Variants in RASA3 observed in about 807,000 individuals in gnomAD.
RASA3 encodes RAS p21 protein activator 3.
In RASA3, 73 loss-of-function variants were observed where a neutral mutation model predicts 110.0. The ratio of observed to expected loss-of-function variants is 0.66; its 90% confidence interval spans 0.55 to 0.81. RASA3 has a LOEUF of 0.81. Among genes scored for constraint, RASA3 ranks in the 30% least tolerant of loss-of-function variants. RASA3 has a pLI of 0.00. For synonymous variants in RASA3, 500 were observed against 451.4 expected (o/e 1.11, Z -1.37); for missense variants, 976 against 1,113.2 (o/e 0.88, Z 1.75).
At position 114,014,485 on chromosome 13, in the gene RASA3, C is replaced by T. The variant is rs147170119; in HGVS notation, c.1405+724G>A. On this transcript the variant is annotated intron_variant, in intron 14 of 23. Coordinates refer to ENST00000334062, the MANE Select transcript of RASA3 (RefSeq NM_007368.4). This position sits in a 1 kb window ranked among gnomAD's most constrained non-coding sequence, Gnocchi z 4.5. ...CACCCCGGGGTGTCTGCAGCTGTCC[C>T]GAGGCCACAGGACACGCAAGGAAGA... Among the ~76,000 whole-genome samples the T allele has an allele frequency of 1.6e-3, 247 of 152,224 alleles. No individual in the cohort carries two copies. The highest frequency in any genetic ancestry group is 6.6e-3 in the South Asian group (32 of 4,816).
intron 1 of RASA3, among the ~76,000 whole-genome samples, chr13:114,131,880 CACGCGCGCACGCAGGCACAG>C (rs1172143962): frequency 6.6e-6 from 1 of 151,816 alleles, no homozygotes; most frequent in Non-Finnish European, 1.5e-5. Context: ...CACACACAAA[CACGCGCGCACGCAGGCACAG>C]ACGCGCGCGC....
chr13:114,039,395 C>A (rs1389571181), intron 4 of RASA3, among the ~76,000 whole-genome samples: 1 of 152,098 alleles, frequency 6.6e-6, no homozygotes, highest in African/African-American at 2.4e-5. Context: ...AGGAAGCCCT[C>A]CCGCGTCCCA....
chr13:114,129,215 A>G (rs1191111150), intron 1 of RASA3, among the ~76,000 whole-genome samples: 1 of 152,232 alleles, frequency 6.6e-6, no homozygotes, highest in Non-Finnish European at 1.5e-5. Flanking sequence ...TCAGTCATGC[A>G]TGATACACAG....
intron 2 of RASA3, among the ~76,000 whole-genome samples, chr13:114,053,408 T>A (rs2079187184): frequency 6.6e-6 from 1 of 152,264 alleles, no homozygotes; most frequent in Non-Finnish European, 1.5e-5. Flanking sequence ...CTGTTGGCGA[T>A]TACTGCGGTG....
At chr13:114,080,365 C>T (rs564705109) in intron 1 of RASA3, among the ~76,000 whole-genome samples, 1 of 152,252 alleles carries the variant, frequency 6.6e-6, no homozygotes, top group East Asian at 1.9e-4. Flanking sequence ...TTCCAAAACT[C>T]ACTGGGTGAC....
chr13:114,065,405 C>T lies in RASA3; in HGVS notation c.173+8315G>A, dbSNP rs771847987. Among the ~76,000 whole-genome samples, 4 of 152,196 alleles carry T rather than the reference C, an allele frequency of 2.6e-5. No homozygotes were observed. Among genetic ancestry groups the T allele is most frequent in the Non-Finnish European group, 5.9e-5 (4 of 68,036 alleles). ...GCCTCGGGGTAGAGGGTAAAGGCTG[C>T]GTGAAGAGGAACCAAACCCCAAACC... On this transcript the variant is annotated intron_variant, in intron 2 of 23. Transcript: ENST00000334062. This position sits in a 1 kb window ranked among gnomAD's most constrained non-coding sequence, Gnocchi z 4.1.
intron 4 of RASA3, among the ~76,000 whole-genome samples, chr13:114,038,466 G>A (rs2054323997): frequency 6.6e-6 from 1 of 152,264 alleles, no homozygotes; most frequent in Non-Finnish European, 1.5e-5. Flanking sequence ...CCAGGAAGCA[G>A]AGTTAATTAA....
intron 1 of RASA3, among the ~76,000 whole-genome samples, chr13:114,081,932 C>G (rs573330664): frequency 6.6e-6 from 1 of 152,338 alleles, no homozygotes; most frequent in South Asian, 2.1e-4. Flanking sequence ...TGAGTCCACA[C>G]ACAGGACCTC....
At chr13:114,036,908 G>A (rs1052798335) in intron 4 of RASA3, among the ~76,000 whole-genome samples, 7 of 152,186 alleles carry the variant, frequency 4.6e-5, no homozygotes, top group African/African-American at 1.2e-4. Flanking sequence ...CGTTTTGGGC[G>A]GCGTTGGGGC....
intron 22 of RASA3, among the ~76,000 whole-genome samples, chr13:113,982,983 AT>A (rs1218748185): frequency 1.3e-5 from 2 of 151,874 alleles, no homozygotes; most frequent in African/African-American, 4.8e-5. Flanking sequence ...CTATGGTACA[AT>A]TTTTACGGCA....
intron 2 of RASA3, among the ~76,000 whole-genome samples, chr13:114,067,597 G>A (rs1223285026): frequency 6.6e-6 from 1 of 152,222 alleles, no homozygotes; most frequent in Non-Finnish European, 1.5e-5. Flanking sequence ...CTTTGGAGCT[G>A]TGGAGACATT....
At position 114,027,469 on chromosome 13, in the gene RASA3, C is replaced by G. The variant is rs369154246; in HGVS notation, c.531-8G>C. On this transcript the variant is annotated splice_polypyrimidine_tract_variant and splice_region_variant and intron_variant, in intron 6 of 23. Transcript: ENST00000334062. ...GTCTTCTTTGCTTCTGATCTGTTAT[C>G]AAGTGAGAAAGGATTGGGATTAAAA... 2 of 1,605,008 alleles carry G rather than the reference C, an allele frequency of 1.2e-6. No homozygotes were observed. Among genetic ancestry groups the G allele is most frequent in the African/African-American group, 1.3e-5 (1 of 74,676 alleles).
chr13:114,054,756 C>A (rs1268288677), intron 2 of RASA3, among the ~76,000 whole-genome samples: 1 of 152,246 alleles, frequency 6.6e-6, no homozygotes. Flanking sequence ...GCAGAATGCT[C>A]AGGGACTTCC....
intron 22 of RASA3, among the ~76,000 whole-genome samples, chr13:113,991,821 T>C (rs2053120833): frequency 2.0e-5 from 3 of 151,958 alleles, no homozygotes; most frequent in African/African-American, 7.2e-5. Context: ...CATACATGCA[T>C]ACTCACACGT....
rs372083427 is a variant in RASA3, at chr13:113,980,318, G to A, written c.2430-896C>T. Among the ~76,000 whole-genome samples, 285 of 136,506 alleles carry A rather than the reference G, an allele frequency of 2.1e-3. 10 individuals are homozygous for A. In the South Asian group the frequency reaches 0.055, roughly 27 times the overall value. The allele number at this position is 136,506 out of a possible 152,430, so 89.6% of individuals were successfully genotyped here. On this transcript the variant is annotated intron_variant, in intron 23 of 23. Transcript: ENST00000334062. ...TCTGCCATGTATGTGCACCTCCTCC[G>A]TCTGTGCCTTCTCCCACATGTGTGC...
At chr13:114,019,344 G>A (rs80142889) in intron 9 of RASA3, among the ~76,000 whole-genome samples, 3,578 of 152,348 alleles carry the variant, frequency 0.023, 151 homozygotes, top group African/African-American at 0.082. Context: ...GAGCCTGGCA[G>A]GCCACCTGGG....
chr13:114,004,236 A>ATT (rs58164344), intron 18 of RASA3, among the ~76,000 whole-genome samples: 35,177 of 151,940 alleles, frequency 0.23, 4,932 homozygotes, highest in East Asian at 0.33. Flanking sequence ...AATTAAACTA[A>ATT]ACAGCTTCTG....
At chr13:114,033,402 CT>C (rs2054216355) in intron 4 of RASA3, among the ~76,000 whole-genome samples, 2 of 142,698 alleles carry the variant, frequency 1.4e-5, no homozygotes, top group Admixed American at 7.0e-5. Flanking sequence ...CACCCCCACA[CT>C]TCATACCATG....
chr13:114,060,556 A>G (rs1338691032), intron 2 of RASA3, among the ~76,000 whole-genome samples: 1 of 152,218 alleles, frequency 6.6e-6, no homozygotes, highest in Non-Finnish European at 1.5e-5. Context: ...GTTCTGGCAG[A>G]GCCAAGACTG....
Sources: allele counts gnomAD v4.1 joint callset (sites outside exome capture counted in the v4.1 genomes callset), GRCh38; gene constraint gnomAD v4.1.1; non-coding constraint Gnocchi (gnomAD v3.1); transcripts MANE v1.5; gene names NCBI Gene and HGNC (gene_info 2026-07-23, HGNC 2026-07-21).